Variants in TECPR2 observed in about 807,000 individuals in gnomAD.
TECPR2 encodes tectonin beta-propeller repeat containing 2.
TECPR2 carries 65 observed loss-of-function variants against 138.1 expected under a neutral mutation model. That is an observed-to-expected ratio of 0.47 (90% CI 0.39 to 0.58). The LOEUF (loss-of-function observed/expected upper bound fraction) is 0.58, where lower values mean the gene tolerates loss of function less well. Ranked by LOEUF, TECPR2 falls within the 20% of genes least tolerant of loss-of-function variation. The pLI, the probability that TECPR2 is intolerant of heterozygous loss-of-function variation, is 0.00. For missense variants in TECPR2, 1,553 were observed against 1,824.5 expected (o/e 0.85, Z 2.71); for synonymous variants, 746 against 749.8 (o/e 0.99, Z 0.08).
intron 5 of TECPR2, among the ~76,000 whole-genome samples, chr14:102,416,255 G>A (rs2139704878): frequency 6.6e-6 from 1 of 152,234 alleles, no homozygotes; most frequent in Admixed American, 6.5e-5. Context: ...CTGAGTAGCT[G>A]AGATTACAGG....
At chr14:102,452,746 G>A (rs937759354) in intron 16 of TECPR2, 119 bp downstream of exon 16, 3 of 763,100 alleles carry the variant, frequency 3.9e-6, no homozygotes, top group Non-Finnish European at 2.1e-6. Context: ...CTGAGGGGGT[G>A]TTTATAAGCT....
intron 11 of TECPR2, among the ~76,000 whole-genome samples, chr14:102,442,673 G>T (rs1316301885): frequency 6.6e-6 from 1 of 152,220 alleles, no homozygotes; most frequent in Non-Finnish European, 1.5e-5. Context: ...AGACTGCTCA[G>T]GAGTGTGTCG....
intron 1 of TECPR2, among the ~76,000 whole-genome samples, chr14:102,364,291 C>T (rs962685233): frequency 6.6e-6 from 1 of 152,310 alleles, no homozygotes; most frequent in South Asian, 2.1e-4. Flanking sequence ...TTCTCACACC[C>T]AGCTATAATG....
chr14:102,428,419 G>A, intron 7 of TECPR2, 37 bp downstream of exon 7: 1 of 1,605,648 alleles, frequency 6.2e-7, no homozygotes, highest in Non-Finnish European at 8.5e-7. Flanking sequence ...TGTATATGAT[G>A]GGAAGTACTA....
rs1376768769 is a variant in TECPR2, at chr14:102,419,526, C to G, written c.638+4733C>G. On this transcript the variant is annotated intron_variant, in intron 5 of 19. Coordinates refer to ENST00000359520, the MANE Select transcript of TECPR2 (RefSeq NM_014844.5). This position sits in a 1 kb window ranked among gnomAD's most constrained non-coding sequence, Gnocchi z 4.8. The stretch of plus-strand genomic sequence containing the variant: ...GTGCAGGCGGTGGCCTCAGTTGGGC[C>G]CTCTCATGGGCAGCAGTGTAGGGTT... Among the ~76,000 whole-genome samples the G allele has an allele frequency of 6.6e-6, 1 of 151,840 alleles. No individual in the cohort carries two copies.
rs1213755599 is a variant in TECPR2, at chr14:102,431,868, CCA to C, written c.1160_1161del (p.Thr387SerfsTer3). 1.9e-6 allele frequency: 3 copies of C among 1,603,254 alleles called. No individual in the cohort carries two copies. The highest frequency in any genetic ancestry group is 1.7e-6 in the Non-Finnish European group (2 of 1,171,162). On this transcript the variant is annotated frameshift_variant, in exon 8 of 20. Coordinates refer to ENST00000359520, the MANE Select transcript of TECPR2 (RefSeq NM_014844.5). LOFTEE classifies it high-confidence loss of function. ...CAGCAAGCGGAGAAGCTGCCAGGGG[CCA>C]CAGTTTCTGAGACGAGGCTCAGAGG...
At chr14:102,487,203 G>T (rs982458991) in intron 17 of TECPR2, among the ~76,000 whole-genome samples, 2 of 152,234 alleles carry the variant, frequency 1.3e-5, no homozygotes, top group Admixed American at 6.5e-5. Flanking sequence ...GTTTGGGTTA[G>T]GATTATTTCC....
intron 17 of TECPR2, 145 bp downstream of exon 17, chr14:102,465,434 G>A (rs961765232): frequency 1.7e-5 from 24 of 1,416,922 alleles, no homozygotes; most frequent in African/African-American, 1.2e-4. Flanking sequence ...ACACACTCTC[G>A]TTCATCAACA....
At chr14:102,467,914 G>A (rs978347911) in intron 17 of TECPR2, among the ~76,000 whole-genome samples, 1 of 151,152 alleles carries the variant, frequency 6.6e-6, no homozygotes, top group African/African-American at 2.4e-5. Flanking sequence ...TCTGCTCACT[G>A]CAATCTCTGC....
intron 7 of TECPR2, among the ~76,000 whole-genome samples, chr14:102,431,535 G>A (rs890898915): frequency 9.9e-5 from 15 of 152,050 alleles, no homozygotes; most frequent in African/African-American, 2.2e-4. Context: ...GTAGAGACGG[G>A]GTTTCACTGT....
At chr14:102,459,683 G>T (rs929171018) in intron 16 of TECPR2, among the ~76,000 whole-genome samples, 1 of 152,186 alleles carries the variant, frequency 6.6e-6, no homozygotes, top group Admixed American at 6.5e-5. Flanking sequence ...CAAGGGAATC[G>T]CTTGAACCCG....
intron 17 of TECPR2, among the ~76,000 whole-genome samples, chr14:102,492,405 A>G (rs1891177864): frequency 6.6e-6 from 1 of 152,286 alleles, no homozygotes; most frequent in Non-Finnish European, 1.5e-5. Context: ...TTCTTGGGCC[A>G]GCCACTGGTC....
intron 17 of TECPR2, among the ~76,000 whole-genome samples, chr14:102,481,470 G>C (rs1486930950): frequency 2.0e-5 from 3 of 152,142 alleles, no homozygotes; most frequent in African/African-American, 7.2e-5. Flanking sequence ...TTTCATGAAA[G>C]TCATACATGA....
chr14:102,410,642 C>A (rs901009224), intron 4 of TECPR2, among the ~76,000 whole-genome samples: 22 of 152,174 alleles, frequency 1.4e-4, no homozygotes, highest in African/African-American at 5.1e-4. Context: ...TATGGATACT[C>A]CTTTTTGTTA....
Position 102,434,967 on chromosome 14 carries a change from T to C in TECPR2, c.2150T>C (p.Val717Ala). The change falls in exon 9 of 20, where the codon GTC (valine) becomes GCC (alanine). Residue 717 changes from valine to alanine, a missense_variant. Physicochemically the swap from Val to Ala is moderately conservative, Grantham distance 64. Coordinates refer to ENST00000359520, the MANE Select transcript of TECPR2 (RefSeq NM_014844.5). ...GQKEIPISER[V>A]LGSVGGQLTP... is the part of the protein sequence containing the mutation. ...AAAGAAATACCCATTTCTGAACGTG[T>C]CTTGGGGAGTGTGGGAGGACAGCTG... 1.2e-6 allele frequency: 2 copies of C among 1,614,126 alleles called. No homozygotes were observed. Among genetic ancestry groups the C allele is most frequent in the Non-Finnish European group, 1.7e-6 (2 of 1,180,032 alleles).
rs369972265 is a variant in TECPR2 at position 102,428,297 on chromosome 14, G to A, written c.999G>A (p.Ser333=). 62 of 1,587,698 alleles carry A rather than the reference G, an allele frequency of 3.9e-5. No homozygotes were observed. Among genetic ancestry groups the A allele is most frequent in the African/African-American group, 7.2e-5 (5 of 69,780 alleles). The stretch of plus-strand genomic sequence containing the variant: ...GATCCGGTGATATTGTGTCTGTTTC[G>A]TGCACAGAAAATGAAATATTTTTCT... ...LEGSGDIVSV[S]CTENEIFFLK... The change falls in exon 7 of 20, where the codon TCG becomes TCA. Residue 333 remains serine (S), a synonymous_variant. Transcript: ENST00000359520.
In TECPR2 at chr14:102,382,778, G is replaced by A. The variant is rs138340589; in HGVS notation, c.219+5838G>A. Among the ~76,000 whole-genome samples the A allele has an allele frequency of 3.1e-3, 460 of 149,952 alleles. 4 individuals are homozygous for A. The highest frequency in any genetic ancestry group is 0.011 in the African/African-American group (447 of 40,808). On this transcript the variant is annotated intron_variant, in intron 2 of 19. Transcript: ENST00000359520. ...GTTTGCAAATCTTTTTTTTTTTCGA[G>A]ACGGAGTTTTGCTCTTGTTGCCCAG...
At chr14:102,495,902 C>T (rs1327982734) in intron 17 of TECPR2, among the ~76,000 whole-genome samples, 1 of 152,240 alleles carries the variant, frequency 6.6e-6, no homozygotes, top group Non-Finnish European at 1.5e-5. Flanking sequence ...CCGGGAGGTG[C>T]AGGTGGAGGG....
intron 5 of TECPR2, among the ~76,000 whole-genome samples, chr14:102,422,865 C>G (rs538021932): frequency 6.6e-6 from 1 of 152,148 alleles, no homozygotes; most frequent in Non-Finnish European, 1.5e-5. Context: ...CACAGTGGTG[C>G]ACTGCATAAC....
Sources: gnomAD v4.1 joint callset for allele counts (sites outside exome capture counted in the v4.1 genomes callset) on GRCh38, gnomAD v4.1.1 for gene constraint, Gnocchi (gnomAD v3.1) non-coding constraint, MANE v1.5 for transcripts, NCBI Gene and HGNC (gene_info 2026-07-23, HGNC 2026-07-21) for gene names.